SOBP: variants seen among roughly 807,000 people sequenced by gnomAD.
The protein encoded by SOBP is sine oculis-binding protein homolog.
In SOBP, 4 loss-of-function variants were observed where a neutral mutation model predicts 53.6. The observed-to-expected ratio is 0.07, with a 90% confidence interval of 0.04 to 0.17. The LOEUF is 0.17. Ranked by LOEUF, SOBP falls within the 10% of genes least tolerant of loss-of-function variation. The pLI, the probability that SOBP is intolerant of heterozygous loss-of-function variation, is 1.00. For missense variants in SOBP, 1,088 were observed against 1,204.7 expected (o/e 0.90, Z 1.43); for synonymous variants, 584 against 522.6 (o/e 1.12, Z -1.60).
chr6:107,602,772 G>T (rs1049637491), intron 5 of SOBP, among the ~76,000 whole-genome samples: 2 of 152,090 alleles, frequency 1.3e-5, no homozygotes, highest in African/African-American at 2.4e-5. Context: ...CATAGTCAGA[G>T]ACATTCTAAA....
intron 5 of SOBP, among the ~76,000 whole-genome samples, chr6:107,633,264 A>G (rs1770798789): frequency 6.6e-6 from 1 of 152,214 alleles, no homozygotes; most frequent in Non-Finnish European, 1.5e-5. Context: ...TCATGCTTAA[A>G]GGGGACAACA....
chr6:107,517,550 T>C (rs1483578130), intron 3 of SOBP, among the ~76,000 whole-genome samples: 1 of 152,198 alleles, frequency 6.6e-6, no homozygotes, highest in East Asian at 1.9e-4. Flanking sequence ...TGCCATAATA[T>C]TGGGGGTTAG....
At chr6:107,523,140 G>A (rs1238186230) in intron 3 of SOBP, among the ~76,000 whole-genome samples, 1 of 152,190 alleles carries the variant, frequency 6.6e-6, no homozygotes, top group Non-Finnish European at 1.5e-5. Flanking sequence ...ATGATAACTG[G>A]AGTCATAAGA....
intron 4 of SOBP, among the ~76,000 whole-genome samples, chr6:107,583,939 A>G (rs1242742121): frequency 2.0e-5 from 3 of 152,188 alleles, no homozygotes; most frequent in Non-Finnish European, 4.4e-5. Flanking sequence ...TTTGAGCATC[A>G]TGTTGGGATT....
Position 107,635,566 on chromosome 6 carries a change from T to C in SOBP, c.*3+97T>C. ...GAGAGTTGTAATTATAGTCATGATT[T>C]TACCGTGTGTGTTTTATATTGCACA... On this transcript the variant is annotated intron_variant, in intron 6 of 6. Coordinates refer to ENST00000317357, the MANE Select transcript of SOBP (RefSeq NM_018013.4). This position sits in a 1 kb window ranked among gnomAD's most constrained non-coding sequence, Gnocchi z 4.5. 1 of 1,531,014 alleles carries C rather than the reference T, an allele frequency of 6.5e-7. No individual in the cohort carries two copies. The allele number at this position is 1,531,014 out of a possible 1,614,324, so 94.8% of individuals were successfully genotyped here.
chr6:107,627,165 A>G lies in SOBP; in HGVS notation c.670-6349A>G, dbSNP rs543248555. 3.0e-4 allele frequency among the ~76,000 whole-genome samples: 46 copies of G among 152,312 alleles called. 2 individuals are homozygous for G. The South Asian group carries it at 8.9e-3, about 30-fold the overall frequency. ...ATGAAGCAGAGAGTTTTGTCATGGTATATTAATACTCTTAAGCAACGTAAA... is the reference window on the plus strand; with the variant it reads ...ATGAAGCAGAGAGTTTTGTCATGGTGTATTAATACTCTTAAGCAACGTAAA... On this transcript the variant is annotated intron_variant, in intron 5 of 6. Coordinates refer to ENST00000317357, the MANE Select transcript of SOBP (RefSeq NM_018013.4).
intron 4 of SOBP, among the ~76,000 whole-genome samples, chr6:107,539,529 G>A (rs183073476): frequency 1.2e-4 from 18 of 152,210 alleles, no homozygotes; most frequent in Admixed American, 6.5e-4. Flanking sequence ...TTTTCTCATC[G>A]GAACTGCCGG....
chr6:107,647,830 C>G (rs1771625888), intron 6 of SOBP, among the ~76,000 whole-genome samples: 1 of 152,072 alleles, frequency 6.6e-6, no homozygotes, highest in African/African-American at 2.4e-5. Context: ...GGCATGGCTT[C>G]CTCACATCAG....
chr6:107,633,811 G>T lies in SOBP; in HGVS notation c.967G>T (p.Gly323Cys), dbSNP rs1463485686. 1.2e-6 allele frequency: 2 copies of T among 1,613,914 alleles called. No individual in the cohort carries two copies. Among genetic ancestry groups the T allele is most frequent in the East Asian group, 4.5e-5 (2 of 44,834 alleles). ...SPVATAGQSQ[G>C]PGPSASTTVS... The stretch of plus-strand genomic sequence containing the variant: ...GGTGGCTACAGCTGGCCAAAGCCAG[G>T]GCCCTGGCCCGTCGGCGTCCACCAC... The change falls in exon 6 of 7, where the codon GGC becomes TGC. Residue 323 changes from glycine to cysteine, a missense_variant. This residue lies in a region of SOBP where 211 missense variants were observed against 258.9 expected (regional missense o/e 0.82). Coordinates refer to ENST00000317357, the MANE Select transcript of SOBP (RefSeq NM_018013.4).
intron 3 of SOBP, among the ~76,000 whole-genome samples, chr6:107,521,790 AG>A (rs1302224869): frequency 6.6e-6 from 1 of 152,064 alleles, no homozygotes; most frequent in African/African-American, 2.4e-5. Context: ...GCACCTAGTA[AG>A]GATGCTTTTC....
At chr6:107,567,797 C>A (rs1784961179) in intron 4 of SOBP, among the ~76,000 whole-genome samples, 1 of 152,140 alleles carries the variant, frequency 6.6e-6, no homozygotes, top group Non-Finnish European at 1.5e-5. Flanking sequence ...GCTGCTTATA[C>A]CTGGGTGAGC....
chr6:107,516,354 C>T (rs368182398), intron 3 of SOBP, among the ~76,000 whole-genome samples: 18 of 151,656 alleles, frequency 1.2e-4, no homozygotes, highest in South Asian at 4.2e-4. Flanking sequence ...CCCAACTACT[C>T]GGGAGGTTGA....
intron 4 of SOBP, among the ~76,000 whole-genome samples, chr6:107,560,024 G>A (rs1171657315): frequency 6.6e-6 from 1 of 152,156 alleles, no homozygotes; most frequent in African/African-American, 2.4e-5. Context: ...CTATCAGAGG[G>A]AGCCCAGAAA....
Position 107,548,937 on chromosome 6 carries a change from T to C in SOBP, c.573+15327T>C, listed in dbSNP as rs1054477190. ...GGGTGACAGAGCAAGACCTTATTTC[T>C]AAAAAATAAATAAATAAATAAATAA... On this transcript the variant is annotated intron_variant, in intron 4 of 6. Transcript: ENST00000317357. Among the ~76,000 whole-genome samples, 8 of 151,662 alleles carry C rather than the reference T, an allele frequency of 5.3e-5. No individual in the cohort carries two copies. The East Asian group carries it at 1.4e-3, about 26-fold the overall frequency.
intron 5 of SOBP, among the ~76,000 whole-genome samples, chr6:107,591,968 G>GTTTTTTTTTTTTT (rs56210027): frequency 7.9e-5 from 7 of 88,636 alleles, no homozygotes; most frequent in South Asian, 3.9e-4. Flanking sequence ...GTCTTTTGGT[G>GTTTTTTTTTTTTT]TTTTTTTTTT....
At chr6:107,656,177 G>A (rs977554749) in intron 6 of SOBP, among the ~76,000 whole-genome samples, 1 of 152,082 alleles carries the variant, frequency 6.6e-6, no homozygotes, top group Admixed American at 6.6e-5. Context: ...GGATCCACTT[G>A]TCATCTCTGC....
rs1351444916 is a variant in SOBP at position 107,490,325 on chromosome 6, G to C, written c.-292G>C. The C allele has an allele frequency of 6.5e-6, 1 of 153,580 alleles. No individual in the cohort carries two copies. The highest frequency in any genetic ancestry group is 1.4e-5 in the Non-Finnish European group (1 of 71,610). 9.5% of individuals were successfully genotyped at this position (153,580 alleles called of 1,614,324 possible). Reference sequence around the variant, plus strand: ...GGGCAGCGGCAGCAGCGGCGGCGTTGGCTGCGGCGGCGGCGGCGGCGGCAG... The same window carrying C: ...GGGCAGCGGCAGCAGCGGCGGCGTTCGCTGCGGCGGCGGCGGCGGCGGCAG... On this transcript the variant is annotated 5_prime_UTR_variant, in exon 1 of 7. Coordinates refer to ENST00000317357, the MANE Select transcript of SOBP (RefSeq NM_018013.4).
chr6:107,515,366 TG>T (rs1446571511), intron 3 of SOBP, among the ~76,000 whole-genome samples: 2 of 152,256 alleles, frequency 1.3e-5, no homozygotes, highest in Admixed American at 1.3e-4. Flanking sequence ...ACTTATTTTA[TG>T]ATCTCAGCAT....
At chr6:107,549,616 A>ATT (rs151047714) in intron 4 of SOBP, among the ~76,000 whole-genome samples, 1 of 148,598 alleles carries the variant, frequency 6.7e-6, no homozygotes, top group Non-Finnish European at 1.5e-5. Context: ...CCTTTTGCTC[A>ATT]TTTTTTTTTT....
Sources: gnomAD v4.1 joint callset for allele counts (sites outside exome capture counted in the v4.1 genomes callset) on GRCh38, gnomAD v4.1.1 for gene constraint, gnomAD v4.1.1 regional missense constraint, Gnocchi (gnomAD v3.1) non-coding constraint, MANE v1.5 for transcripts, NCBI Gene and HGNC (gene_info 2026-07-23, HGNC 2026-07-21) for gene names.